The following GLDC variants were observed in gnomAD, a reference collection of about 807,000 sequenced individuals.
The protein encoded by GLDC is glycine dehydrogenase (decarboxylating), mitochondrial.
In GLDC, 104 loss-of-function variants were observed where a neutral mutation model predicts 121.3. The ratio of observed to expected loss-of-function variants is 0.86; its 90% CI spans 0.73 to 1.01. The LOEUF is 1.01. Ranked by LOEUF, GLDC falls within the 50% of genes least tolerant of loss-of-function variation. GLDC has a pLI of 0.00. For missense variants in GLDC, 1,429 were observed against 1,306.6 expected (o/e 1.09, Z -1.44); for synonymous variants, 546 against 480.6 (o/e 1.14, Z -1.78).
intron 15 of GLDC, chr9:6,569,246 T>C (rs900921876): frequency 6.6e-6 from 1 of 152,172 alleles, no homozygotes; most frequent in African/African-American, 2.4e-5. Context: ...GAGCTAAAAG[T>C]TCCTTTGCCA....
intron 8 of GLDC, among the ~76,000 whole-genome samples, chr9:6,595,622 C>G (rs985238710): frequency 1.6e-4 from 24 of 152,156 alleles, no homozygotes; most frequent in African/African-American, 5.6e-4. Context: ...GAACTTCTGC[C>G]AACCAAGAGT....
chr9:6,620,419 A>G, intron 2 of GLDC, 100 bp from the exon 3 acceptor site: 2 of 1,013,572 alleles, frequency 2.0e-6, no homozygotes, highest in South Asian at 1.3e-5. Context: ...TTATGACAGA[A>G]TAACTATATG....
At chr9:6,535,744 CAG>C (rs1817113920) in intron 23 of GLDC, among the ~76,000 whole-genome samples, 1 of 152,294 alleles carries the variant, frequency 6.6e-6, no homozygotes, top group African/African-American at 2.4e-5. Flanking sequence ...TGTGCTTGTA[CAG>C]AGTTTGTGAT....
intron 15 of GLDC, 195 bp from the exon 16 acceptor site, chr9:6,565,624 C>A: frequency 1.5e-6 from 1 of 664,802 alleles, no homozygotes; most frequent in Non-Finnish European, 2.7e-6. Context: ...AAAGCAACAG[C>A]ATCCAGTTTG....
intron 24 of GLDC, 31 bp downstream of exon 24, chr9:6,534,677 C>A: frequency 8.0e-7 from 1 of 1,243,020 alleles, no homozygotes. Context: ...CATGCCTTCC[C>A]AGCTGGCACA....
chr9:6,543,500 C>G (rs1202966303), intron 21 of GLDC, among the ~76,000 whole-genome samples: 2 of 152,172 alleles, frequency 1.3e-5, no homozygotes, highest in Non-Finnish European at 2.9e-5. Context: ...GCTAATACTA[C>G]AGTGCCATCT....
At chr9:6,603,015 G>T (rs1467910662) in intron 7 of GLDC, among the ~76,000 whole-genome samples, 3 of 151,974 alleles carry the variant, frequency 2.0e-5, no homozygotes, top group African/African-American at 7.2e-5. Context: ...ATCACCTGAG[G>T]TCCAGAGTTT....
At chr9:6,583,538 T>C (rs566009556) in intron 15 of GLDC, among the ~76,000 whole-genome samples, 1 of 152,048 alleles carries the variant, frequency 6.6e-6, no homozygotes, top group African/African-American at 2.4e-5. Flanking sequence ...TCGCCAGGCA[T>C]AGTGATGCGT....
chr9:6,617,024 C>G (rs1436901039), intron 3 of GLDC, among the ~76,000 whole-genome samples: 1 of 152,094 alleles, frequency 6.6e-6, no homozygotes. Flanking sequence ...AATTCTAGAC[C>G]TGATGTAAAT....
intron 5 of GLDC, chr9:6,606,174 T>A (rs978769612): frequency 4.9e-6 from 1 of 205,594 alleles, no homozygotes; most frequent in Non-Finnish European, 9.7e-6. Flanking sequence ...CCAGGCGTGG[T>A]GGCGGGCACC....
chr9:6,606,508 C>A, intron 5 of GLDC, 84 bp downstream of exon 5: 1 of 910,556 alleles, frequency 1.1e-6, no homozygotes, highest in South Asian at 1.3e-5. Flanking sequence ...CACCTCCAAT[C>A]AGTTTGGAAG....
intron 15 of GLDC, 76 bp from the exon 16 acceptor site, chr9:6,565,505 C>G (rs1037334685): frequency 7.7e-6 from 9 of 1,170,256 alleles, no homozygotes; most frequent in Non-Finnish European, 1.2e-5. Flanking sequence ...TTATTGGGCC[C>G]TGGCCAGGGG....
At chr9:6,635,071 C>G (rs1294520084) in intron 2 of GLDC, among the ~76,000 whole-genome samples, 3 of 152,234 alleles carry the variant, frequency 2.0e-5, no homozygotes, top group African/African-American at 7.2e-5. Context: ...CGTATTTCCA[C>G]ACTTCCATGC....
chr9:6,589,140 C>G, intron 12 of GLDC, 55 bp downstream of exon 12: 1 of 1,061,614 alleles, frequency 9.4e-7, no homozygotes, highest in Admixed American at 1.7e-5. Context: ...CTCTGCCTAA[C>G]TCCCTAGCTG....
chr9:6,613,456 T>G (rs887092944), intron 3 of GLDC, among the ~76,000 whole-genome samples: 2 of 152,186 alleles, frequency 1.3e-5, no homozygotes, highest in African/African-American at 4.8e-5. Context: ...CGAGACTCTG[T>G]CTCTACTAAA....
rs191004538 is a variant in GLDC, at chr9:6,603,945, G to A, written c.1058+643C>T. On this transcript the variant is annotated intron_variant, in intron 7 of 24. Transcript: ENST00000321612. ...GGGTTTCACCATATTGGCCAGGCTC[G>A]TCTGGGACTCCTGACCTTGTGATCT... Among the ~76,000 whole-genome samples, 234 of 152,012 alleles carry A rather than the reference G, an allele frequency of 1.5e-3. 2 individuals are homozygous for A. The highest frequency in any genetic ancestry group is 1.5e-3 in the South Asian group (7 of 4,800).
chr9:6,558,454 T>G, intron 17 of GLDC, 105 bp downstream of exon 17: 7 of 1,333,840 alleles, frequency 5.2e-6, no homozygotes, highest in Non-Finnish European at 5.4e-6. Context: ...TGCAGACTTT[T>G]CATTAGAATG....
At chr9:6,586,302 CAAAT>C (rs1818271016) in intron 15 of GLDC, among the ~76,000 whole-genome samples, 1 of 151,752 alleles carries the variant, frequency 6.6e-6, no homozygotes, top group South Asian at 2.1e-4. Context: ...TCTAAAAAAA[CAAAT>C]AAATAAATAA....
At chr9:6,605,381 C>G in intron 5 of GLDC, 103 bp from the exon 6 acceptor site, 1 of 1,198,774 alleles carries the variant, frequency 8.3e-7, no homozygotes, top group African/African-American at 1.5e-5. Flanking sequence ...CTGTGCCCTC[C>G]CACAGTGGCC....
Sources: allele counts gnomAD v4.1 joint callset (sites outside exome capture counted in the v4.1 genomes callset), GRCh38; gene constraint gnomAD v4.1.1; transcripts MANE v1.5; gene names NCBI Gene and HGNC (gene_info 2026-07-23, HGNC 2026-07-21).